The following ANKDD1B variants were observed in gnomAD, a reference collection of about 807,000 sequenced individuals.
ANKDD1B encodes the protein ankyrin repeat and death domain-containing protein 1B.
ANKDD1B carries 57 observed loss-of-function variants against 59.7 expected under a neutral mutation model. The ratio of observed to expected loss-of-function variants is 0.95; its 90% CI spans 0.77 to 1.19. ANKDD1B has a LOEUF of 1.19. Ranked by LOEUF, ANKDD1B falls within the 50% of genes most tolerant of loss-of-function variation. The pLI, the probability that ANKDD1B is intolerant of heterozygous loss-of-function variation, is 0.00. For missense variants in ANKDD1B, 602 were observed against 641.9 expected, an observed-to-expected ratio of 0.94 and a Z score of 0.67; for synonymous variants, 216 against 239.5, an observed-to-expected ratio of 0.90 and a Z score of 0.91.
At chr5:75,623,080 G>GTT (rs1316937994) in intron 3 of ANKDD1B, among the ~76,000 whole-genome samples, 2 of 151,398 alleles carry the variant, frequency 1.3e-5, no homozygotes, top group South Asian at 4.2e-4. Flanking sequence ...ATTTCTGGTG[G>GTT]TTTTTTTTTC....
In ANKDD1B at chr5:75,671,748, T is replaced by G. The variant is rs1775491941; in HGVS notation, c.*708T>G. ...GTGATGTAATTACAGATGATTATTTTCTTTGTACTTTTGGGTACATTCCAT... is the reference window on the plus strand; with the variant it reads ...GTGATGTAATTACAGATGATTATTTGCTTTGTACTTTTGGGTACATTCCAT... On this transcript the variant is annotated 3_prime_UTR_variant, in exon 14 of 14. Transcript: ENST00000601380. The G allele has an allele frequency of 6.8e-6, 1 of 147,748 alleles. No individual in the cohort carries two copies. Among genetic ancestry groups the G allele is most frequent in the Non-Finnish European group, 1.5e-5 (1 of 66,726 alleles). The allele number at this position is 147,748 out of a possible 1,614,324, so 9.2% of individuals were successfully genotyped here. A position where few individuals can be genotyped will look rare whatever the true frequency, so the allele number is the denominator to read the frequency against.
chr5:75,638,936 T>C (rs1389588800), intron 7 of ANKDD1B, among the ~76,000 whole-genome samples: 3 of 152,232 alleles, frequency 2.0e-5, no homozygotes, highest in African/African-American at 4.8e-5. Context: ...TTGTTTATTA[T>C]AGGTAGTGCT....
intron 11 of ANKDD1B, among the ~76,000 whole-genome samples, chr5:75,663,960 A>T (rs1200318673): frequency 1.3e-5 from 2 of 152,334 alleles, no homozygotes; most frequent in Non-Finnish European, 1.5e-5. Flanking sequence ...ACACAAAAAA[A>T]CTTGTCTGTA....
intron 5 of ANKDD1B, among the ~76,000 whole-genome samples, chr5:75,628,138 T>C (rs2112968953): frequency 6.6e-6 from 1 of 152,182 alleles, no homozygotes; most frequent in African/African-American, 2.4e-5. Flanking sequence ...ACAGAAAAAA[T>C]CTACTTTTTT....
intron 5 of ANKDD1B, among the ~76,000 whole-genome samples, chr5:75,626,431 T>A (rs1581133385): frequency 6.6e-6 from 1 of 152,232 alleles, no homozygotes; most frequent in Non-Finnish European, 1.5e-5. Context: ...TATCTATTAA[T>A]GTAGGTACAG....
At chr5:75,635,049 T>C in intron 6 of ANKDD1B, 53 bp downstream of exon 6, 3 of 1,213,210 alleles carry the variant, frequency 2.5e-6, no homozygotes, top group Admixed American at 2.0e-5. Context: ...GGAGTAACAA[T>C]TGATGTAGAG....
intron 10 of ANKDD1B, 121 bp downstream of exon 10, chr5:75,659,502 C>G (rs1474111337): frequency 5.5e-6 from 4 of 733,480 alleles, no homozygotes; most frequent in Non-Finnish European, 9.4e-6. Flanking sequence ...CTGGAGAAAC[C>G]ATGCATCTTC....
At chr5:75,650,423 G>A (rs1270637570) in intron 7 of ANKDD1B, among the ~76,000 whole-genome samples, 2 of 152,192 alleles carry the variant, frequency 1.3e-5, no homozygotes, top group African/African-American at 2.4e-5. Context: ...AAGAGACAAG[G>A]AAGTGGATTC....
chr5:75,669,478 G>C lies in ANKDD1B; in HGVS notation c.1525+95G>C, dbSNP rs1014813010. 8.0e-6 allele frequency: 9 copies of C among 1,121,080 alleles called. No individual in the cohort carries two copies. The East Asian group carries it at 2.9e-4, about 36-fold the overall frequency. The allele number at this position is 1,121,080 out of a possible 1,614,324, so 69.4% of individuals were successfully genotyped here. ...CATCCTGACCAGCTACAGCCCCAGC[G>C]TGGTGTTAGCTGTGGCTCACACGGA... is the stretch of plus-strand genomic sequence containing the variant. On this transcript the variant is annotated intron_variant, in intron 13 of 13. Coordinates refer to ENST00000601380, the MANE Select transcript of ANKDD1B (RefSeq NM_001276713.2).
intron 10 of ANKDD1B, among the ~76,000 whole-genome samples, chr5:75,659,719 G>A (rs1409166469): frequency 3.9e-5 from 6 of 152,050 alleles, no homozygotes; most frequent in African/African-American, 7.2e-5. Flanking sequence ...ATACTACCCC[G>A]CTTATATATA....
chr5:75,669,501 G>A (rs973248509), intron 13 of ANKDD1B, 118 bp downstream of exon 13: 16 of 914,132 alleles, frequency 1.8e-5, no homozygotes, highest in East Asian at 6.6e-5. Context: ...TGGCTCACAC[G>A]GAGTATGGAA....
chr5:75,654,428 G>C (rs1291037656), intron 8 of ANKDD1B, among the ~76,000 whole-genome samples: 1 of 152,192 alleles, frequency 6.6e-6, no homozygotes, highest in Admixed American at 6.5e-5. Context: ...GGTTATTGAC[G>C]TGATTTTTGA....
rs79400785 is a variant in ANKDD1B at position 75,665,281 on chromosome 5, A to G, written c.1192-1511A>G. 9.0e-3 allele frequency among the ~76,000 whole-genome samples: 1,373 copies of G among 152,364 alleles called. 24 individuals carry two copies. The highest frequency in any genetic ancestry group is 0.032 in the African/African-American group (1,312 of 41,588). On this transcript the variant is annotated intron_variant, in intron 11 of 13. Coordinates refer to ENST00000601380, the MANE Select transcript of ANKDD1B (RefSeq NM_001276713.2). Reference sequence around the variant, plus strand: ...GCCCTTTTCAATGGAAGCCTAAGGGACCACCCAATCCAATCCTGAAAGGCA... The same window carrying G: ...GCCCTTTTCAATGGAAGCCTAAGGGGCCACCCAATCCAATCCTGAAAGGCA...
chr5:75,635,710 T>C, intron 6 of ANKDD1B, 74 bp from the exon 7 acceptor site: 2 of 963,958 alleles, frequency 2.1e-6, no homozygotes, highest in East Asian at 2.7e-5. Flanking sequence ...AGAAACTCCA[T>C]TGCAGCCCTT....
chr5:75,632,354 G>A (rs1774188447), intron 5 of ANKDD1B, among the ~76,000 whole-genome samples: 1 of 152,176 alleles, frequency 6.6e-6, no homozygotes, highest in African/African-American at 2.4e-5. Context: ...TCTCTTCCTA[G>A]TTTTCAACTC....
At chr5:75,648,592 G>A (rs1056306300) in intron 7 of ANKDD1B, among the ~76,000 whole-genome samples, 2 of 152,140 alleles carry the variant, frequency 1.3e-5, no homozygotes, top group Non-Finnish European at 2.9e-5. Context: ...GGTCTCAGCT[G>A]CTCTAGGCAG....
At chr5:75,649,269 C>T (rs1297593296) in intron 7 of ANKDD1B, among the ~76,000 whole-genome samples, 1 of 151,024 alleles carries the variant, frequency 6.6e-6, no homozygotes, top group Non-Finnish European at 1.5e-5. Flanking sequence ...GACAGACTCA[C>T]CTAATTTATG....
intron 10 of ANKDD1B, among the ~76,000 whole-genome samples, chr5:75,660,984 T>C (rs1490011105): frequency 6.6e-6 from 1 of 152,186 alleles, no homozygotes; most frequent in East Asian, 1.9e-4. Flanking sequence ...CCTACTCTAG[T>C]TCAGAATCAT....
chr5:75,665,951 C>G (rs1775294691), intron 11 of ANKDD1B, among the ~76,000 whole-genome samples: 1 of 152,108 alleles, frequency 6.6e-6, no homozygotes, highest in African/African-American at 2.4e-5. Flanking sequence ...AAGGAAGTCC[C>G]AGACTTCTTG....
Sources: gnomAD v4.1 joint callset for allele counts (sites outside exome capture counted in the v4.1 genomes callset) on GRCh38, gnomAD v4.1.1 for gene constraint, MANE v1.5 for transcripts, NCBI Gene and HGNC (gene_info 2026-07-23, HGNC 2026-07-21) for gene names.